The following PDCD10 variants were observed in gnomAD, a reference collection of about 807,000 sequenced individuals.
PDCD10 encodes programmed cell death 10.
Under a neutral mutation model 29.2 loss-of-function variants are expected in PDCD10, and 4 were observed. The ratio of observed to expected loss-of-function variants is 0.14; its 90% CI spans 0.07 to 0.31. The LOEUF is 0.31. Among genes scored for constraint, PDCD10 ranks in the 10% least tolerant of loss-of-function variants. The pLI is 1.00. For missense variants in PDCD10, 183 were observed against 257.9 expected (o/e 0.71, Z 1.99); for synonymous variants, 70 against 82.2 (o/e 0.85, Z 0.80).
At chr3:167,703,917 C>T (rs977064454) in intron 4 of PDCD10, among the ~76,000 whole-genome samples, 3 of 152,114 alleles carry the variant, frequency 2.0e-5, no homozygotes, top group African/African-American at 7.2e-5. Context: ...AGCTAGTTTA[C>T]TTTCTTTTTC....
At chr3:167,720,332 C>T (rs1251387661) in intron 2 of PDCD10, 59 bp from the exon 3 acceptor site, 1 of 571,946 alleles carries the variant, frequency 1.7e-6, no homozygotes, top group African/African-American at 1.9e-5. Context: ...CGACAAATAC[C>T]AATAATTTTC....
At chr3:167,687,963 C>T (rs2108376563) in intron 6 of PDCD10, among the ~76,000 whole-genome samples, 1 of 152,296 alleles carries the variant, frequency 6.6e-6, no homozygotes, top group African/African-American at 2.4e-5. Context: ...TCAAATCAAT[C>T]ACATTTCATT....
Position 167,734,215 on chromosome 3 carries a change from T to C in PDCD10, c.-118A>G, listed in dbSNP as rs1725137194. On this transcript the variant is annotated splice_region_variant and 5_prime_UTR_variant, in exon 2 of 9. Coordinates refer to ENST00000392750, the MANE Select transcript of PDCD10 (RefSeq NM_007217.4). ...AGCAGTAAAGGAGTAAAAACATACC[T>C]TAGGTATGACACCTAAGAGGGTCAA... 6.6e-6 allele frequency: 1 copy of C among 152,150 alleles called. No homozygotes were observed. The highest frequency in any genetic ancestry group is 1.5e-5 in the Non-Finnish European group (1 of 68,082). 9.4% of individuals were successfully genotyped at this position (152,150 alleles called of 1,614,324 possible). A position where few individuals can be genotyped will look rare whatever the true frequency, so the allele number is the denominator to read the frequency against.
At chr3:167,725,718 CTCT>C (rs1224686472) in intron 2 of PDCD10, among the ~76,000 whole-genome samples, 3 of 141,430 alleles carry the variant, frequency 2.1e-5, no homozygotes, top group Non-Finnish European at 4.6e-5. Context: ...TAGAAGCAAT[CTCT>C]TGTTAATGGT....
intron 8 of PDCD10, among the ~76,000 whole-genome samples, chr3:167,686,937 T>C (rs1719687943): frequency 6.6e-6 from 1 of 152,244 alleles, no homozygotes; most frequent in African/African-American, 2.4e-5. Context: ...ACATTGTCTA[T>C]GGCTTGTTTC....
intron 6 of PDCD10, among the ~76,000 whole-genome samples, chr3:167,690,372 C>T (rs958514568): frequency 3.9e-5 from 6 of 152,020 alleles, no homozygotes; most frequent in East Asian, 2.0e-4. Flanking sequence ...TTGGTTTAGA[C>T]TGGAAAACTC....
At chr3:167,721,878 G>A (rs995934292) in intron 2 of PDCD10, among the ~76,000 whole-genome samples, 4 of 152,110 alleles carry the variant, frequency 2.6e-5, no homozygotes, top group African/African-American at 9.7e-5. Flanking sequence ...GAGAATGGAG[G>A]AAGAATAACG....
intron 2 of PDCD10, among the ~76,000 whole-genome samples, chr3:167,731,398 C>T (rs972387439): frequency 6.6e-6 from 1 of 152,158 alleles, no homozygotes; most frequent in Non-Finnish European, 1.5e-5. Context: ...ATTTCAGAGA[C>T]CTCCAAAAAG....
intron 2 of PDCD10, among the ~76,000 whole-genome samples, chr3:167,733,743 T>C (rs1407153735): frequency 6.6e-6 from 1 of 152,176 alleles, no homozygotes; most frequent in Non-Finnish European, 1.5e-5. Context: ...AAAACAGTCC[T>C]AAGGTAGAAA....
chr3:167,730,345 T>C (rs931887442), intron 2 of PDCD10, among the ~76,000 whole-genome samples: 9 of 152,168 alleles, frequency 5.9e-5, no homozygotes, highest in African/African-American at 2.2e-4. Context: ...TGGAAAAAAT[T>C]ACTTATCATG....
chr3:167,691,326 A>T (rs1253987013), intron 6 of PDCD10, among the ~76,000 whole-genome samples: 1 of 152,176 alleles, frequency 6.6e-6, no homozygotes, highest in Non-Finnish European at 1.5e-5. Flanking sequence ...CCCTCCTCAA[A>T]TGGTTAGGAA....
intron 4 of PDCD10, chr3:167,697,772 G>T: frequency 3.3e-6 from 1 of 298,606 alleles, no homozygotes; most frequent in Non-Finnish European, 6.7e-6. Context: ...AGTTTGCATT[G>T]GTTCTATGTT....
intron 6 of PDCD10, among the ~76,000 whole-genome samples, chr3:167,689,432 T>C (rs1719977730): frequency 6.6e-6 from 1 of 152,208 alleles, no homozygotes; most frequent in Non-Finnish European, 1.5e-5. Flanking sequence ...TACTTTGTAG[T>C]GTATTTCAAT....
intron 4 of PDCD10, among the ~76,000 whole-genome samples, chr3:167,698,861 C>G (rs1172315286): frequency 6.6e-6 from 1 of 152,138 alleles, no homozygotes; most frequent in African/African-American, 2.4e-5. Context: ...CAATACCAAG[C>G]TGGTCTGGGA....
At chr3:167,723,749 GA>G (rs773710434) in intron 2 of PDCD10, among the ~76,000 whole-genome samples, 11 of 152,096 alleles carry the variant, frequency 7.2e-5, no homozygotes, top group Non-Finnish European at 1.0e-4. Flanking sequence ...TAAAAACCAA[GA>G]ACAAGAAATG....
intron 4 of PDCD10, among the ~76,000 whole-genome samples, chr3:167,698,616 G>T (rs988315455): frequency 6.6e-6 from 1 of 152,172 alleles, no homozygotes; most frequent in African/African-American, 2.4e-5. Context: ...GGCTTAAGAT[G>T]TGTTGTTATA....
At chr3:167,696,926 G>C in intron 5 of PDCD10, 83 bp downstream of exon 5, 1 of 810,138 alleles carries the variant, frequency 1.2e-6, no homozygotes, top group Non-Finnish European at 2.2e-6. Context: ...AGGGAAGGAA[G>C]ATCCTTTGGT....
intron 5 of PDCD10, among the ~76,000 whole-genome samples, chr3:167,696,118 T>C (rs1362330901): frequency 6.6e-6 from 1 of 152,184 alleles, no homozygotes; most frequent in Non-Finnish European, 1.5e-5. Context: ...AATATCTACT[T>C]GCCAACTGGA....
rs1725236329 is a variant in PDCD10 at position 167,734,767 on chromosome 3, C to G, written c.-359G>C. On this transcript the variant is annotated 5_prime_UTR_variant, in exon 1 of 9. Transcript: ENST00000392750. ...GACCCTAGACCTCTTCTGCTCGGTG[C>G]AGAGCTACGGGGACTGGGACAGAAC... 6.5e-6 allele frequency: 1 copy of G among 153,222 alleles called. No homozygotes were observed. Among genetic ancestry groups the G allele is most frequent in the Non-Finnish European group, 1.5e-5 (1 of 68,506 alleles). The allele number at this position is 153,222 out of a possible 1,614,324, so 9.5% of individuals were successfully genotyped here. A position where few individuals can be genotyped will look rare whatever the true frequency, so the allele number is the denominator to read the frequency against.
Sources: allele counts gnomAD v4.1 joint callset (sites outside exome capture counted in the v4.1 genomes callset), GRCh38; gene constraint gnomAD v4.1.1; transcripts MANE v1.5; gene names NCBI Gene and HGNC (gene_info 2026-07-23, HGNC 2026-07-21).